Variants in NTM observed in about 807,000 individuals in gnomAD.
The protein encoded by NTM is neurotrimin.
NTM carries 13 observed loss-of-function variants against 42.1 expected under a neutral mutation model. The observed-to-expected ratio is 0.31, with a 90% CI of 0.20 to 0.49. The LOEUF is 0.49. NTM is among the 20% of genes least tolerant of loss of function. The probability of loss-of-function intolerance (pLI) is 0.99; values close to 1 mark genes in which losing one functional copy is unlikely to be tolerated. For missense variants in NTM, 373 were observed against 452.8 expected, an observed-to-expected ratio of 0.82 and a Z score of 1.60; for synonymous variants, 187 against 179.2, an observed-to-expected ratio of 1.04 and a Z score of -0.35.
At chr11:132,041,418 A>G (rs1252222338) in intron 2 of NTM, among the ~76,000 whole-genome samples, 1 of 152,216 alleles carries the variant, frequency 6.6e-6, no homozygotes, top group African/African-American at 2.4e-5. Context: ...TCACTCTAAC[A>G]TGCTGATAGC....
At chr11:131,735,596 G>C (rs905055790) in intron 1 of NTM, among the ~76,000 whole-genome samples, 2 of 152,200 alleles carry the variant, frequency 1.3e-5, no homozygotes, top group African/African-American at 4.8e-5. Context: ...CCCCGACAAA[G>C]TGTTTTTGAG....
intron 1 of NTM, among the ~76,000 whole-genome samples, chr11:131,653,705 C>A (rs2066804423): frequency 6.6e-6 from 1 of 152,190 alleles, no homozygotes; most frequent in South Asian, 2.1e-4. Flanking sequence ...CCTGGTGGAG[C>A]TTCCAGTATG....
Position 131,593,064 on chromosome 11 carries a change from G to T in NTM, c.82+222176G>T, listed in dbSNP as rs144567979. Reference sequence around the variant, plus strand: ...GTGTCAAGCAGTTGCCCTTGTGAGTGGTACTATTGGCAGGAAATGTGCTCC... The same window carrying T: ...GTGTCAAGCAGTTGCCCTTGTGAGTTGTACTATTGGCAGGAAATGTGCTCC... On this transcript the variant is annotated intron_variant, in intron 1 of 8. Transcript: ENST00000683400. Among the ~76,000 whole-genome samples, 419 of 152,230 alleles carry T rather than the reference G, an allele frequency of 2.8e-3. 1 individual carries two copies. Among genetic ancestry groups the T allele is most frequent in the African/African-American group, 9.5e-3 (395 of 41,534 alleles).
At chr11:131,997,450 T>C (rs1163434423) in intron 2 of NTM, among the ~76,000 whole-genome samples, 1 of 152,132 alleles carries the variant, frequency 6.6e-6, no homozygotes, top group African/African-American at 2.4e-5. Context: ...TCACATTGTC[T>C]CAGTAATCGT....
chr11:131,994,759 T>C (rs1176505153), intron 2 of NTM, among the ~76,000 whole-genome samples: 1 of 152,192 alleles, frequency 6.6e-6, no homozygotes, highest in Non-Finnish European at 1.5e-5. Context: ...GGACACCAGA[T>C]CTATTTCTCC....
chr11:132,085,577 C>G (rs932776108), intron 2 of NTM, among the ~76,000 whole-genome samples: 2 of 152,192 alleles, frequency 1.3e-5, no homozygotes, highest in African/African-American at 4.8e-5. Flanking sequence ...TTTTATTTCT[C>G]AAAGATTAAA....
At chr11:131,822,352 T>C (rs1350017854) in intron 1 of NTM, among the ~76,000 whole-genome samples, 1 of 152,172 alleles carries the variant, frequency 6.6e-6, no homozygotes, top group Non-Finnish European at 1.5e-5. Context: ...GACTGATTAC[T>C]GGAAGGAATA....
intron 3 of NTM, among the ~76,000 whole-genome samples, chr11:132,205,546 G>T (rs1480698640): frequency 6.6e-6 from 1 of 152,058 alleles, no homozygotes; most frequent in African/African-American, 2.4e-5. Context: ...AAACAGCATG[G>T]CTCCCTTGGC....
At chr11:131,878,331 G>A (rs1400708297) in intron 1 of NTM, among the ~76,000 whole-genome samples, 1 of 151,818 alleles carries the variant, frequency 6.6e-6, no homozygotes, top group Non-Finnish European at 1.5e-5. Flanking sequence ...AGCACTTTGG[G>A]AGGCTGAGGC....
In NTM at chr11:131,700,580, G is replaced by C. The variant is rs1282140033; in HGVS notation, c.83-210984G>C. ...GGCAAAGACTTACACTGTGCTTACT[G>C]TGTGCCAGGCACATATTAATCCATT... On this transcript the variant is annotated intron_variant, in intron 1 of 8. Coordinates refer to ENST00000683400, the MANE Select transcript of NTM (RefSeq NM_001352005.2). 2.1e-4 allele frequency among the ~76,000 whole-genome samples: 32 copies of C among 152,194 alleles called. 1 individual carries two copies. The highest frequency in any genetic ancestry group is 2.1e-3 in the Admixed American group (32 of 15,280).
intron 3 of NTM, among the ~76,000 whole-genome samples, chr11:132,200,874 C>CT (rs1419699781): frequency 3.3e-5 from 5 of 152,172 alleles, no homozygotes; most frequent in African/African-American, 7.2e-5. Flanking sequence ...GGCTCAGAGT[C>CT]TAAGAGGTTA....
chr11:132,088,737 C>T (rs1359766070), intron 2 of NTM, among the ~76,000 whole-genome samples: 1 of 152,144 alleles, frequency 6.6e-6, no homozygotes, highest in Non-Finnish European at 1.5e-5. Flanking sequence ...TCACCATGGG[C>T]ATGTTTAGGC....
At chr11:131,712,038 C>T (rs901560909) in intron 1 of NTM, among the ~76,000 whole-genome samples, 8 of 148,750 alleles carry the variant, frequency 5.4e-5, no homozygotes, top group South Asian at 4.3e-4. Flanking sequence ...TGCTAAATGA[C>T]GAGTTAACGG....
At chr11:131,525,636 A>T (rs934353797) in intron 1 of NTM, among the ~76,000 whole-genome samples, 2 of 152,162 alleles carry the variant, frequency 1.3e-5, no homozygotes, top group Non-Finnish European at 2.9e-5. Context: ...TGAAAAGGTC[A>T]TCCGACTACA....
At chr11:131,421,104 C>T (rs1338504270) in intron 1 of NTM, among the ~76,000 whole-genome samples, 2 of 152,186 alleles carry the variant, frequency 1.3e-5, no homozygotes, top group Non-Finnish European at 2.9e-5. Context: ...GAATTCGACC[C>T]GGAGGGAGAA....
chr11:131,598,727 CT>C lies in NTM; in HGVS notation c.82+227842del, dbSNP rs1159640995. The stretch of plus-strand genomic sequence containing the variant: ...TCTTTCTTTCTTTCTTTCTTTCTTT[CT>C]TTCTTTCTTTCTTTCTTTCTTTCTT... On this transcript the variant is annotated intron_variant, in intron 1 of 8. Transcript: ENST00000683400. Among the ~76,000 whole-genome samples the C allele has an allele frequency of 1.2e-3, 112 of 91,850 alleles. 10 individuals are homozygous for C. Among genetic ancestry groups the C allele is most frequent in the South Asian group, 1.6e-3 (4 of 2,430 alleles). 60.3% of individuals were successfully genotyped at this position (91,850 alleles called of 152,430 possible). A position where few individuals can be genotyped will look rare whatever the true frequency, so the allele number is the denominator to read the frequency against.
chr11:131,424,600 C>CTTTCTTTTTTT (rs1947878678), intron 1 of NTM, among the ~76,000 whole-genome samples: 2 of 56,052 alleles, frequency 3.6e-5, no homozygotes, highest in African/African-American at 7.3e-5. Context: ...CTTTTCTTTT[C>CTTTCTTTTTTT]TTTTTTTTTT....
At chr11:131,909,465 C>T (rs1239836892) in intron 1 of NTM, among the ~76,000 whole-genome samples, 1 of 152,130 alleles carries the variant, frequency 6.6e-6, no homozygotes, top group East Asian at 1.9e-4. Flanking sequence ...TTGTTAACAA[C>T]AACAACAACA....
chr11:132,097,657 G>GA (rs1328184216), intron 2 of NTM, among the ~76,000 whole-genome samples: 5 of 152,106 alleles, frequency 3.3e-5, no homozygotes, highest in Admixed American at 6.6e-5. Flanking sequence ...GCTGGCCTGG[G>GA]AAAAAGCTTT....
Sources: allele counts gnomAD v4.1 joint callset (sites outside exome capture counted in the v4.1 genomes callset), GRCh38; gene constraint gnomAD v4.1.1; transcripts MANE v1.5; gene names NCBI Gene and HGNC (gene_info 2026-07-23, HGNC 2026-07-21).